The following STK31 variants were observed in gnomAD, a reference collection of about 807,000 sequenced individuals.
STK31 encodes the protein serine/threonine-protein kinase 31.
A neutral mutation model predicts 129.7 loss-of-function variants in STK31; 89 were observed. The ratio of observed to expected loss-of-function variants is 0.69; its 90% CI spans 0.58 to 0.82. The LOEUF (loss-of-function observed/expected upper bound fraction) is 0.82. STK31 is among the 40% of genes least tolerant of loss of function. STK31 has a pLI of 0.00. For missense variants in STK31, 1,187 were observed against 1,176.4 expected (o/e 1.01, Z -0.13); for synonymous variants, 448 against 395.3 (o/e 1.13, Z -1.58).
intron 21 of STK31, among the ~76,000 whole-genome samples, chr7:23,789,307 G>T (rs1335457474): frequency 6.6e-6 from 1 of 152,060 alleles, no homozygotes; most frequent in African/African-American, 2.4e-5. Context: ...TTTCTCTTGG[G>T]AGTGGAATTA....
At chr7:23,824,831 C>T (rs1272239941) in intron 23 of STK31, among the ~76,000 whole-genome samples, 2 of 151,372 alleles carry the variant, frequency 1.3e-5, no homozygotes, top group Non-Finnish European at 2.9e-5. Flanking sequence ...TTGTCAAAGG[C>T]CTTTTCTGCA....
At position 23,816,906 on chromosome 7, in the gene STK31, C is replaced by T. The variant is rs116708789; in HGVS notation, c.2829+1694C>T. On this transcript the variant is annotated intron_variant, in intron 23 of 23. Transcript: ENST00000355870. ...CTGCTTACTCTAAAATGTAATCTGG[C>T]CAGGCATGGTGGCTCACGCCTGTAA... is the stretch of plus-strand genomic sequence containing the variant. Among the ~76,000 whole-genome samples the T allele has an allele frequency of 7.2e-3, 1,094 of 152,268 alleles. 14 individuals carry two copies. The highest frequency in any genetic ancestry group is 0.025 in the African/African-American group (1,058 of 41,562).
At chr7:23,754,056 A>AT (rs1298365960) in intron 9 of STK31, among the ~76,000 whole-genome samples, 3 of 152,132 alleles carry the variant, frequency 2.0e-5, no homozygotes, top group African/African-American at 7.2e-5. Context: ...ATTTTTTCAT[A>AT]TTTTTTATGT....
At chr7:23,773,159 A>G (rs1388400587) in intron 15 of STK31, among the ~76,000 whole-genome samples, 1 of 152,036 alleles carries the variant, frequency 6.6e-6, no homozygotes, top group Non-Finnish European at 1.5e-5. Flanking sequence ...CCCGTCACCT[A>G]CATTAGGTAT....
At chr7:23,811,755 T>C (rs1478258327) in intron 22 of STK31, 1 of 152,824 alleles carries the variant, frequency 6.5e-6, no homozygotes, top group Non-Finnish European at 1.5e-5. Flanking sequence ...ATTGTGTTTT[T>C]GAGTGTATTG....
chr7:23,816,960 C>CAG (rs1793503889), intron 23 of STK31, among the ~76,000 whole-genome samples: 1 of 152,012 alleles, frequency 6.6e-6, no homozygotes, highest in South Asian at 2.1e-4. Context: ...CCGAGGTGGG[C>CAG]AGATCAACTG....
rs1787673031 is a variant in STK31, at chr7:23,735,635, A to G, written c.581A>G (p.Tyr194Cys). 1 of 1,614,130 alleles carries G rather than the reference A, an allele frequency of 6.2e-7. No homozygotes were observed. Among genetic ancestry groups the G allele is most frequent in the Admixed American group, 1.7e-5 (1 of 60,024 alleles). Residue 194 changes from tyrosine (Y) to cysteine (C), a missense_variant, in exon 7 of 24, where the codon TAT (tyrosine) becomes TGT (cysteine). Tyr to Cys is a radical substitution (Grantham distance 194, BLOSUM62 -2). This residue lies in a region of STK31 where 103 missense variants were observed against 110.4 expected (regional missense o/e 0.93). Transcript: ENST00000355870. ...EDGTVIAQAE[Y>C]GSVDIGEEVL... ...GGAACAGTTATTGCTCAGGCTGAGT[A>G]TGGCAGTGTGGATATAGGGGAAGAG...
At chr7:23,716,826 T>A (rs1302457677) in intron 3 of STK31, among the ~76,000 whole-genome samples, 2 of 142,170 alleles carry the variant, frequency 1.4e-5, no homozygotes, top group African/African-American at 5.2e-5. Flanking sequence ...CAAGACAGGG[T>A]CTCCGTCACC....
rs771581013 is a variant in STK31 at position 23,785,614 on chromosome 7, C to A, written c.2274+11C>A. ...ATAATTCTGTTAAAGGTAAGTCTAA[C>A]TTCTTCTTACTTGTGGGAGATTCAG... is the stretch of plus-strand genomic sequence containing the variant. On this transcript the variant is annotated intron_variant, in intron 18 of 23. Transcript: ENST00000355870. 5 of 1,605,896 alleles carry A rather than the reference C, an allele frequency of 3.1e-6. No individual in the cohort carries two copies.
rs1024730787 is a variant in STK31, at chr7:23,759,739, G to A, written c.1294-3062G>A. Among the ~76,000 whole-genome samples, 15 of 152,134 alleles carry A rather than the reference G, an allele frequency of 9.9e-5. 2 individuals carry two copies. Among genetic ancestry groups the A allele is most frequent in the Admixed American group, 8.5e-4 (13 of 15,270 alleles). Reference sequence around the variant, plus strand: ...TGTGTTACTAGGCAACATTATTTATGGTAAGTATAACTTATGATTGTCAAA... The same window carrying A: ...TGTGTTACTAGGCAACATTATTTATAGTAAGTATAACTTATGATTGTCAAA... On this transcript the variant is annotated intron_variant, in intron 10 of 23. Transcript: ENST00000355870.
At chr7:23,825,541 A>G (rs566401457) in intron 23 of STK31, among the ~76,000 whole-genome samples, 108 of 152,206 alleles carry the variant, frequency 7.1e-4, no homozygotes, top group Non-Finnish European at 8.8e-5. Flanking sequence ...GATCTTTTCA[A>G]AAAACCAGCT....
At chr7:23,719,675 C>G (rs1203623205) in intron 4 of STK31, among the ~76,000 whole-genome samples, 7 of 152,108 alleles carry the variant, frequency 4.6e-5, no homozygotes, top group Non-Finnish European at 1.0e-4. Context: ...CCACCCCACC[C>G]ACTGGTATAA....
chr7:23,762,297 A>G (rs1484450857), intron 10 of STK31, among the ~76,000 whole-genome samples: 1 of 145,266 alleles, frequency 6.9e-6, no homozygotes, highest in Non-Finnish European at 1.5e-5. Context: ...TCTTGGGTAC[A>G]GGATGGATAT....
Position 23,712,157 on chromosome 7 carries a change from A to G in STK31, c.97+12A>G, listed in dbSNP as rs775299353. 4 of 1,613,520 alleles carry G rather than the reference A, an allele frequency of 2.5e-6. No individual in the cohort carries two copies. Among genetic ancestry groups the G allele is most frequent in the Non-Finnish European group, 3.4e-6 (4 of 1,179,518 alleles). On this transcript the variant is annotated intron_variant, in intron 2 of 23. Coordinates refer to ENST00000355870, the MANE Select transcript of STK31 (RefSeq NM_031414.5). ...ACATTACGATAAAGGTACTGACACT[A>G]AAAATTATTTTGGGGTGTAAGAGCT...
chr7:23,832,199 C>T lies in STK31; in HGVS notation c.2893C>T (p.Gln965Ter). The T allele has an allele frequency of 6.2e-7, 1 of 1,614,118 alleles. No homozygotes were observed. Among genetic ancestry groups the T allele is most frequent in the Non-Finnish European group, 8.5e-7 (1 of 1,180,012 alleles). ...TTATAGAAGTTCAATGACTGCTGAACAAGTTTTAAATGCTGAATGTTTCTT... is the reference window on the plus strand; with the variant it reads ...TTATAGAAGTTCAATGACTGCTGAATAAGTTTTAAATGCTGAATGTTTCTT... Reference protein sequence around the residue: ...ICYRSSMTAEQVLNAECFLMP... With the variant: ...ICYRSSMTAE The change falls in exon 24 of 24, where the codon CAA becomes TAA. Residue 965 changes from glutamine to a stop codon, truncating the protein, a stop_gained. Coordinates refer to ENST00000355870, the MANE Select transcript of STK31 (RefSeq NM_031414.5). LOFTEE classifies it high-confidence loss of function.
In STK31 at chr7:23,772,163, T is replaced by C; in HGVS notation, c.1850T>C (p.Ile617Thr). 5.1e-6 allele frequency: 8 copies of C among 1,579,062 alleles called. No individual in the cohort carries two copies. The highest frequency in any genetic ancestry group is 1.4e-5 in the African/African-American group (1 of 73,304). The change falls in exon 15 of 24, where the codon ATT becomes ACT. Residue 617 changes from isoleucine (I) to threonine (T), a missense_variant. By Grantham distance (89) the Ile-to-Thr change is moderately conservative. This residue lies in a region of STK31 where 975 missense variants were observed against 934.9 expected (regional missense o/e 1.04). Transcript: ENST00000355870. The part of the protein sequence containing the change: ...KDSIEFKKQL[I>T]EYLNKSPSVD... ...TTTACTTAGTTTAAAAAGCAGCTTA[T>C]TGAATATTTAAATAAGAGTCCCAGT...
At chr7:23,800,930 T>G (rs1390694236) in intron 22 of STK31, among the ~76,000 whole-genome samples, 1 of 152,218 alleles carries the variant, frequency 6.6e-6, no homozygotes. Flanking sequence ...CTGTTGTATG[T>G]ACATACCAAA....
chr7:23,728,766 G>A (rs1315137790), intron 5 of STK31, among the ~76,000 whole-genome samples: 2 of 152,062 alleles, frequency 1.3e-5, no homozygotes. Flanking sequence ...TTTAACATTA[G>A]GAGAAACAGG....
intron 11 of STK31, 142 bp downstream of exon 11, chr7:23,763,065 A>G: frequency 1.4e-6 from 1 of 715,258 alleles, no homozygotes; most frequent in Non-Finnish European, 2.1e-6. Flanking sequence ...TTTCTTTTTA[A>G]TGGGATTAAA....
Sources: allele counts gnomAD v4.1 joint callset (sites outside exome capture counted in the v4.1 genomes callset), GRCh38; gene constraint gnomAD v4.1.1; regional missense constraint gnomAD v4.1.1; transcripts MANE v1.5; gene names NCBI Gene and HGNC (gene_info 2026-07-23, HGNC 2026-07-21).